Variants in SERPINB6 observed in about 807,000 individuals in gnomAD.
SERPINB6 encodes serpin family B member 6, also known as serpin B6.
A neutral mutation model predicts 26.1 loss-of-function variants in SERPINB6; 16 were observed. The ratio of observed to expected loss-of-function variants is 0.61; its 90% CI spans 0.42 to 0.93. The LOEUF (loss-of-function observed/expected upper bound fraction) is 0.93. SERPINB6 is among the 40% of genes least tolerant of loss of function. The pLI is 0.00. For missense variants in SERPINB6, 420 were observed against 478.0 expected (o/e 0.88, Z 1.13); for synonymous variants, 174 against 176.6 (o/e 0.99, Z 0.11).
intron 1 of SERPINB6, chr6:2,971,093 G>C: frequency 9.1e-7 from 1 of 1,101,622 alleles, no homozygotes; most frequent in African/African-American, 1.6e-5. Context: ...GGGTCACCGA[G>C]GCCGCGGGGC....
At chr6:2,964,208 A>G (rs1454974166) in intron 1 of SERPINB6, among the ~76,000 whole-genome samples, 2 of 152,250 alleles carry the variant, frequency 1.3e-5, no homozygotes, top group African/African-American at 2.4e-5. Context: ...AAAGTAAAAT[A>G]CAATAAAGTG....
rs764205718 is a variant in SERPINB6 at position 2,955,584 on chromosome 6, C to T, written c.252G>A (p.Thr84=). The change falls in exon 3 of 7, where the codon ACG becomes ACA. Residue 84 remains threonine (T), a synonymous_variant. Coordinates refer to ENST00000380539, the MANE Select transcript of SERPINB6 (RefSeq NM_004568.6). ...TGTTGGCCATCCTAAGCAAGTACTG[C>T]GTGCCAGTCTTGTTCACTTCGGTGA... The part of the protein sequence containing the change: ...SLLTEVNKTG[T]QYLLRMANRL... 5.6e-6 allele frequency: 9 copies of T among 1,614,110 alleles called. No individual in the cohort carries two copies. Among genetic ancestry groups the T allele is most frequent in the African/African-American group, 5.3e-5 (4 of 74,942 alleles).
At chr6:2,952,055 A>G (rs2756071) in intron 5 of SERPINB6, among the ~76,000 whole-genome samples, 97,909 of 152,094 alleles carry the variant, frequency 0.64, 32,158 homozygotes, top group East Asian at 0.8. Context: ...CAGACCTCCT[A>G]GCAGGGGAGA....
chr6:2,968,090 A>G (rs1326121252), intron 1 of SERPINB6: 1 of 152,266 alleles, frequency 6.6e-6, no homozygotes, highest in Non-Finnish European at 1.5e-5. Flanking sequence ...AAATTGTGGT[A>G]CATATACACC....
Position 2,948,696 on chromosome 6 carries a change from C to T in SERPINB6, c.733G>A (p.Glu245Lys). ...PDETTDLRTV[E>K]KELTYEKFVE... The stretch of plus-strand genomic sequence containing the variant: ...AACTTCTCGTAAGTGAGTTCTTTCT[C>T]CACCTAGAGGGAGACAGTTGAAGAC... The change falls in exon 7 of 7, where the codon GAG (glutamate) becomes AAG (lysine). Residue 245 changes from glutamate to lysine, a missense_variant. By Grantham distance (56) the Glu-to-Lys change is moderately conservative (BLOSUM62 1). Transcript: ENST00000380539. This position sits in a 1 kb window ranked among gnomAD's most constrained non-coding sequence, Gnocchi z 5.0. 6.2e-7 allele frequency: 1 copy of T among 1,614,078 alleles called. No homozygotes were observed.
At chr6:2,954,569 G>T in intron 4 of SERPINB6, 23 bp downstream of exon 4, 1 of 1,532,068 alleles carries the variant, frequency 6.5e-7, no homozygotes, top group Non-Finnish European at 9.0e-7. Flanking sequence ...TATTACAAAA[G>T]TAGAATAACA....
intron 5 of SERPINB6, among the ~76,000 whole-genome samples, chr6:2,949,408 T>G (rs1483869792): frequency 6.6e-6 from 1 of 152,186 alleles, no homozygotes; most frequent in Non-Finnish European, 1.5e-5. Flanking sequence ...TGTTTGGACA[T>G]AAAAGAAACT....
chr6:2,958,979 C>G (rs1161374805), intron 2 of SERPINB6, among the ~76,000 whole-genome samples, 189 bp downstream of exon 2: 1 of 151,880 alleles, frequency 6.6e-6, no homozygotes, highest in Non-Finnish European at 1.5e-5. Flanking sequence ...CTCTCCACCC[C>G]AGGGGGTCAG....
chr6:2,957,502 C>T (rs1770630740), intron 2 of SERPINB6: 1 of 152,206 alleles, frequency 6.6e-6, no homozygotes, highest in African/African-American at 2.4e-5. Context: ...GGTCCAAATC[C>T]ACTTTGTTAA....
Position 2,963,176 on chromosome 6 carries a change from G to A in SERPINB6, c.-10-3834C>T, listed in dbSNP as rs985313516. On this transcript the variant is annotated intron_variant, in intron 1 of 6. Coordinates refer to ENST00000380539, the MANE Select transcript of SERPINB6 (RefSeq NM_004568.6). ...AAAAAAATAGGAAAAACAGACCCCA[G>A]TAGAAACACGTGCAAAGGACATTAA... is the stretch of plus-strand genomic sequence containing the variant. 3.9e-5 allele frequency among the ~76,000 whole-genome samples: 6 copies of A among 152,024 alleles called. No individual in the cohort carries two copies. The East Asian group carries it at 5.8e-4, about 15-fold the overall frequency.
chr6:2,957,697 A>T (rs1770648790), intron 2 of SERPINB6: 1 of 152,316 alleles, frequency 6.6e-6, no homozygotes. Context: ...TTGGACTAAA[A>T]GAGAGAGACG....
rs1361025462 is a variant in SERPINB6 at position 2,967,240 on chromosome 6, G to C, written c.-11+4293C>G. On this transcript the variant is annotated intron_variant, in intron 1 of 6. Transcript: ENST00000380539. The surrounding 1 kb of genome is among the most constrained non-coding windows in gnomAD (Gnocchi z 4.3). ...ACACAAGTTAGAAAGTTCTGCTCTG[G>C]AAGACTGAAACTGGACCCCTTCCTT... The C allele has an allele frequency of 1.5e-5, 15 of 985,308 alleles. No homozygotes were observed. The highest frequency in any genetic ancestry group is 1.8e-5 in the Non-Finnish European group (15 of 829,872). 61.0% of individuals were successfully genotyped at this position (985,308 alleles called of 1,614,324 possible).
chr6:2,968,803 A>G (rs2113354438), intron 1 of SERPINB6: 1 of 1,231,778 alleles, frequency 8.1e-7, no homozygotes, highest in Non-Finnish European at 1.0e-6. Context: ...GTTTACATGG[A>G]CAGGACATGT....
rs201076153 is a variant in SERPINB6, at chr6:2,948,995, G to T, written c.648C>A (p.Thr216=). The change falls in exon 6 of 7, where the codon ACC becomes ACA. Residue 216 remains threonine, a synonymous_variant. Transcript: ENST00000380539. This position sits in a 1 kb window ranked among gnomAD's most constrained non-coding sequence, Gnocchi z 5.0. ...FKKTYIGEIF[T]QILVLPYVGK... Reference sequence around the variant, plus strand: ...CAACATATGGAAGCACCAAGATTTGGGTAAATATTTCTCCTATATAGGTCT... The same window carrying T: ...CAACATATGGAAGCACCAAGATTTGTGTAAATATTTCTCCTATATAGGTCT... 6.2e-7 allele frequency: 1 copy of T among 1,614,114 alleles called. No homozygotes were observed. The highest frequency in any genetic ancestry group is 8.5e-7 in the Non-Finnish European group (1 of 1,180,012).
chr6:2,948,232 G>C lies in SERPINB6; in HGVS notation c.*66C>G. On this transcript the variant is annotated 3_prime_UTR_variant, in exon 7 of 7. Coordinates refer to ENST00000380539, the MANE Select transcript of SERPINB6 (RefSeq NM_004568.6). The surrounding 1 kb of genome is among the most constrained non-coding windows in gnomAD (Gnocchi z 5.0). Reference sequence around the variant, plus strand: ...CTGCACGGATAAGGCCACTTGGGTTGCAGGCACACTGTGGAGTGTCAGGGG... The same window carrying C: ...CTGCACGGATAAGGCCACTTGGGTTCCAGGCACACTGTGGAGTGTCAGGGG... The C allele has an allele frequency of 6.3e-7, 1 of 1,592,644 alleles. No individual in the cohort carries two copies. The highest frequency in any genetic ancestry group is 1.3e-5 in the African/African-American group (1 of 74,560).
At chr6:2,966,016 C>G (rs1771609196) in intron 1 of SERPINB6, among the ~76,000 whole-genome samples, 1 of 152,212 alleles carries the variant, frequency 6.6e-6, no homozygotes, top group African/African-American at 2.4e-5. Flanking sequence ...ATTTCAGTGT[C>G]TTGTAGCCTG....
intron 4 of SERPINB6, among the ~76,000 whole-genome samples, chr6:2,954,211 T>C (rs758747330): frequency 6.6e-6 from 1 of 151,252 alleles, no homozygotes; most frequent in Non-Finnish European, 1.5e-5. Context: ...CTGTAGACTG[T>C]GCTACCCAAG....
intron 1 of SERPINB6, among the ~76,000 whole-genome samples, chr6:2,962,536 C>T (rs1168216370): frequency 1.3e-5 from 2 of 152,174 alleles, no homozygotes; most frequent in South Asian, 2.1e-4. Context: ...GGTTCCCTTC[C>T]ATCTCTAACA....
chr6:2,968,606 T>C, intron 1 of SERPINB6: 3 of 1,218,722 alleles, frequency 2.5e-6, no homozygotes, highest in Non-Finnish European at 3.1e-6. Flanking sequence ...TATTGAGTCT[T>C]CCGTTCCCTG....
Sources: allele counts gnomAD v4.1 joint callset (sites outside exome capture counted in the v4.1 genomes callset), GRCh38; gene constraint gnomAD v4.1.1; non-coding constraint Gnocchi (gnomAD v3.1); transcripts MANE v1.5; gene names NCBI Gene and HGNC (gene_info 2026-07-23, HGNC 2026-07-21).